Variants in FGFR1 observed in about 807,000 individuals in gnomAD.
FGFR1 encodes FGFR1/PLAG1 fusion.
FGFR1 carries 18 observed loss-of-function variants against 93.7 expected under a neutral mutation model. The observed-to-expected ratio is 0.19, with a 90% CI of 0.13 to 0.28. The LOEUF (loss-of-function observed/expected upper bound fraction) is 0.28, where lower values mean the gene tolerates loss of function less well. Ranked by LOEUF, FGFR1 falls within the 10% of genes least tolerant of loss-of-function variation. FGFR1 has a pLI of 1.00. For missense variants in FGFR1, 731 were observed against 1,080.4 expected, an observed-to-expected ratio of 0.68 and a Z score of 4.53; for synonymous variants, 448 against 429.3, an observed-to-expected ratio of 1.04 and a Z score of -0.54.
In FGFR1 at chr8:38,456,625, T is replaced by C. The variant is rs532416076; in HGVS notation, c.91+731A>G. Among the ~76,000 whole-genome samples, 12 of 152,320 alleles carry C rather than the reference T, an allele frequency of 7.9e-5. No homozygotes were observed. The South Asian group carries it at 2.3e-3, about 29-fold the overall frequency. On this transcript the variant is annotated intron_variant, in intron 2 of 17. Coordinates refer to ENST00000447712, the MANE Select transcript of FGFR1 (RefSeq NM_023110.3). ...TTTCACCCAGGCTGGAGCGCAGTAG[T>C]GCAATCATAATTCACTGCAGCCTCA...
intron 2 of FGFR1, among the ~76,000 whole-genome samples, chr8:38,449,331 T>C (rs975399704): frequency 6.6e-6 from 1 of 151,960 alleles, no homozygotes; most frequent in African/African-American, 2.4e-5. Flanking sequence ...GTATAAAGTA[T>C]ACATTGTATT....
chr8:38,461,127 G>C (rs1035507463), intron 1 of FGFR1: 12 of 1,535,970 alleles, frequency 7.8e-6, no homozygotes, highest in Non-Finnish European at 1.0e-5. Context: ...TATGAAGACT[G>C]AATGGGCTGC....
In FGFR1 at chr8:38,419,547, G is replaced by A. The variant is rs369096310; in HGVS notation, c.1270C>T (p.Arg424Cys). 23 of 1,613,958 alleles carry A rather than the reference G, an allele frequency of 1.4e-5. No individual in the cohort carries two copies. Among genetic ancestry groups the A allele is most frequent in the East Asian group, 1.1e-4 (5 of 44,874 alleles). Reference protein sequence around the residue: ...VHKLAKSIPLRRQVTVSADSS... With the variant: ...VHKLAKSIPLCRQVTVSADSS... ...CATCTACTTTCTGTTACCTGTCTGC[G>A]CAGAGGGATGCTCTTGGCCAGCTTG... The change falls in exon 9 of 18, where the codon CGC becomes TGC. Residue 424 changes from arginine (R) to cysteine (C), a missense_variant. Arg to Cys is a radical substitution (Grantham distance 180, BLOSUM62 -3). Transcript: ENST00000447712.
At chr8:38,456,842 G>A (rs992887086) in intron 2 of FGFR1, among the ~76,000 whole-genome samples, 7 of 152,192 alleles carry the variant, frequency 4.6e-5, no homozygotes, top group African/African-American at 1.4e-4. Context: ...GAGTGCTGAG[G>A]TTACATGTGT....
chr8:38,418,543 T>C (rs1159944778), intron 9 of FGFR1, 170 bp from the exon 10 acceptor site: 2 of 739,450 alleles, frequency 2.7e-6, no homozygotes, highest in African/African-American at 3.5e-5. Flanking sequence ...AGGCCCAACT[T>C]CTAGGACTGA....
At chr8:38,419,981 A>G (rs1013318169) in intron 8 of FGFR1, 8 of 524,040 alleles carry the variant, frequency 1.5e-5, no homozygotes, top group Non-Finnish European at 2.4e-5. Flanking sequence ...CGTGCTACAC[A>G]AGCCCCATCT....
intron 11 of FGFR1, 47 bp from the exon 12 acceptor site, chr8:38,417,463 C>T (rs2150633691): frequency 6.5e-7 from 1 of 1,527,800 alleles, no homozygotes. Context: ...GGGAGGAGGG[C>T]AGGATAAAGG....
chr8:38,435,191 A>C (rs1563539340), intron 2 of FGFR1: 1 of 152,108 alleles, frequency 6.6e-6, no homozygotes, highest in Non-Finnish European at 1.5e-5. Context: ...TTAATTGTCC[A>C]AAATGTCCAA....
At position 38,464,154 on chromosome 8, in the gene FGFR1, A is replaced by G. The variant is rs139544821; in HGVS notation, c.-89+3827T>C. 3.2e-3 allele frequency among the ~76,000 whole-genome samples: 483 copies of G among 152,184 alleles called. 4 individuals are homozygous for G. Among genetic ancestry groups the G allele is most frequent in the Non-Finnish European group, 4.4e-3 (301 of 68,006 alleles). On this transcript the variant is annotated intron_variant, in intron 1 of 17. Coordinates refer to ENST00000447712, the MANE Select transcript of FGFR1 (RefSeq NM_023110.3). Reference sequence around the variant, plus strand: ...ACATGGTGAAACACCATCTCTATTAAAAACACAAAAAATTAGCCGGACATG... The same window carrying G: ...ACATGGTGAAACACCATCTCTATTAGAAACACAAAAAATTAGCCGGACATG...
chr8:38,431,514 T>C (rs1018765792), intron 2 of FGFR1, among the ~76,000 whole-genome samples: 3 of 152,184 alleles, frequency 2.0e-5, no homozygotes, highest in African/African-American at 7.2e-5. Flanking sequence ...TACTCTCCCT[T>C]TTCTCTTTCA....
rs148343099 is a variant in FGFR1 at position 38,457,383 on chromosome 8, T to C, written c.64A>G (p.Arg22Gly). ...TGTTCAGGCAAGGTCGGGGACGGCC[T>C]AGCGGTGCAGAGTGTGGCTGTGACC... ...VLVTATLCTA[R>G]PSPTLPEQAQ... The change falls in exon 2 of 18, where the codon AGG (arginine) becomes GGG (glycine). Residue 22 changes from arginine to glycine, a missense_variant. Transcript: ENST00000447712. The C allele has an allele frequency of 1.9e-6, 3 of 1,613,710 alleles. No individual in the cohort carries two copies. The highest frequency in any genetic ancestry group is 1.6e-4 in the Middle Eastern group (1 of 6,064).
intron 2 of FGFR1, among the ~76,000 whole-genome samples, chr8:38,448,883 A>G (rs1395053590): frequency 6.6e-6 from 1 of 152,194 alleles, no homozygotes; most frequent in African/African-American, 2.4e-5. Flanking sequence ...AGCACCTGGG[A>G]GGCAGAGGTT....
At position 38,437,761 on chromosome 8, in the gene FGFR1, A is replaced by G. The variant is rs957132562; in HGVS notation, c.92-7813T>C. Among the ~76,000 whole-genome samples, 4 of 152,234 alleles carry G rather than the reference A, an allele frequency of 2.6e-5. No homozygotes were observed. In the East Asian group the frequency reaches 7.7e-4, roughly 29 times the overall value. Reference sequence around the variant, plus strand: ...TTGAGGGATAGAACAGAGCCACCAAAGATATCCCAGGGAACACACCTCTCT... The same window carrying G: ...TTGAGGGATAGAACAGAGCCACCAAGGATATCCCAGGGAACACACCTCTCT... On this transcript the variant is annotated intron_variant, in intron 2 of 17. Transcript: ENST00000447712.
intron 8 of FGFR1, among the ~76,000 whole-genome samples, chr8:38,420,501 G>A (rs527520680): frequency 1.1e-4 from 16 of 152,222 alleles, no homozygotes; most frequent in South Asian, 4.1e-4. Flanking sequence ...GGCAGGGGGC[G>A]GAGTTCCATT....
intron 1 of FGFR1, chr8:38,458,702 C>T (rs973427986): frequency 7.7e-5 from 17 of 221,954 alleles, no homozygotes; most frequent in Non-Finnish European, 1.4e-4. Context: ...GGACTCCATG[C>T]TCAACTCCCC....
At chr8:38,453,501 G>A (rs1342842169) in intron 2 of FGFR1, among the ~76,000 whole-genome samples, 2 of 152,228 alleles carry the variant, frequency 1.3e-5, no homozygotes. Flanking sequence ...AAGGTGTGGA[G>A]CCAAAATCAA....
intron 1 of FGFR1, chr8:38,465,704 A>C (rs1835342008): frequency 4.5e-6 from 1 of 222,454 alleles, no homozygotes. Flanking sequence ...GATTACCCAG[A>C]CCAAGGCGCG....
At chr8:38,417,817 G>A (rs532810213) in intron 11 of FGFR1, 53 bp downstream of exon 11, 1 of 1,614,022 alleles carries the variant, frequency 6.2e-7, no homozygotes, top group Non-Finnish European at 8.5e-7. Flanking sequence ...GAGGCCTGCT[G>A]TTTGCTTGGA....
intron 13 of FGFR1, among the ~76,000 whole-genome samples, chr8:38,415,435 C>T (rs1284601205): frequency 2.0e-5 from 3 of 151,404 alleles, no homozygotes; most frequent in Non-Finnish European, 4.4e-5. Context: ...CTGGGACTAT[C>T]GGCACGCACT....
Sources: gnomAD v4.1 joint callset for allele counts (sites outside exome capture counted in the v4.1 genomes callset) on GRCh38, gnomAD v4.1.1 for gene constraint, MANE v1.5 for transcripts, NCBI Gene and HGNC (gene_info 2026-07-23, HGNC 2026-07-21) for gene names.